The following EIF3I variants were observed in gnomAD, a reference collection of about 807,000 sequenced individuals.
EIF3I encodes eukaryotic translation initiation factor 3 subunit I.
Under a neutral mutation model 43.3 loss-of-function variants are expected in EIF3I, and 20 were observed. The observed-to-expected ratio is 0.46, with a 90% CI of 0.32 to 0.67. The LOEUF is 0.67. Ranked by LOEUF, EIF3I falls within the 30% of genes least tolerant of loss-of-function variation. EIF3I has a pLI of 0.03. For missense variants in EIF3I, 279 were observed against 421.4 expected, an observed-to-expected ratio of 0.66 and a Z score of 2.96; for synonymous variants, 167 against 151.7, an observed-to-expected ratio of 1.10 and a Z score of -0.74.
rs1263218415 is a variant in EIF3I, at chr1:32,224,591, G to A, written c.250+116G>A. On this transcript the variant is annotated intron_variant, in intron 4 of 11. Coordinates refer to ENST00000676679, the Ensembl canonical transcript of EIF3I. ...ATCCATAGATAGTTTCCAGTCTAGG[G>A]AATAAGAGACAAGAAAGATAGATGA... 1.6e-5 allele frequency: 11 copies of A among 689,076 alleles called. No homozygotes were observed. The East Asian group carries it at 3.0e-4, about 19-fold the overall frequency. 42.7% of individuals were successfully genotyped at this position (689,076 alleles called of 1,614,324 possible). A position where few individuals can be genotyped will look rare whatever the true frequency, so the allele number is the denominator to read the frequency against.
exon 4 of EIF3I, chr1:32,224,452 G>T: frequency 6.2e-7 from 1 of 1,613,718 alleles, no homozygotes; most frequent in Non-Finnish European, 8.5e-7. Flanking sequence ...GACAACAGCT[G>T]TCGTCTCTGG....
At chr1:32,229,715 T>G (rs1205932608) in intron 9 of EIF3I, among the ~76,000 whole-genome samples, 1 of 151,980 alleles carries the variant, frequency 6.6e-6, no homozygotes, top group Non-Finnish European at 1.5e-5. Context: ...CACGCCTGGC[T>G]AATTTTTGTA....
chr1:32,233,112 G>A (rs1639261122), downstream of EIF3I, among the ~76,000 whole-genome samples: 1 of 152,152 alleles, frequency 6.6e-6, no homozygotes, highest in South Asian at 2.1e-4. Flanking sequence ...TCATGCCTTA[G>A]CTTCCCAAGT....
exon 1 of EIF3I, chr1:32,222,417 C>A (rs775357695): frequency 3.1e-6 from 5 of 1,590,696 alleles, no homozygotes; most frequent in East Asian, 2.2e-5. Context: ...ACTCACGTTG[C>A]GGCCTTCCTC....
At chr1:32,223,999 G>A in intron 2 of EIF3I, 35 bp from the exon 3 acceptor site, 1 of 1,603,012 alleles carries the variant, frequency 6.2e-7, no homozygotes, top group Non-Finnish European at 8.5e-7. Context: ...TGCTCTTACT[G>A]GGATGTGTAC....
At chr1:32,231,684 T>C (rs1207949753), downstream of EIF3I, 1 of 169,678 alleles carries the variant, frequency 5.9e-6, no homozygotes, top group Non-Finnish European at 1.3e-5. Flanking sequence ...ACTTTTATTA[T>C]TGAGACCTCC....
chr1:32,228,353 T>A (rs376746673), intron 6 of EIF3I, 146 bp from the exon 7 acceptor site: 26 of 645,590 alleles, frequency 4.0e-5, no homozygotes, highest in African/African-American at 3.2e-4. Flanking sequence ...AGTCAAGGGA[T>A]ATTTAGGGGT....
downstream of EIF3I, chr1:32,231,693 C>T (rs762449753): frequency 9.1e-5 from 15 of 164,034 alleles, no homozygotes; most frequent in Admixed American, 2.4e-4. Context: ...ATTGAGACCT[C>T]CCTATACTTT....
At chr1:32,222,737 G>C (rs1321583494) in intron 2 of EIF3I, 107 bp downstream of exon 2, 2 of 1,144,788 alleles carry the variant, frequency 1.7e-6, no homozygotes, top group African/African-American at 3.0e-5. Context: ...GCAGCCCATT[G>C]TGAGAAGTAG....
At chr1:32,235,353 ACGGAATCT>A (rs1639286976), downstream of EIF3I, 1 of 147,442 alleles carries the variant, frequency 6.8e-6, no homozygotes, top group Non-Finnish European at 1.5e-5. Flanking sequence ...TTTTTTTGAG[ACGGAATCT>A]TGCTCTGTCT....
At chr1:32,228,461 A>C in intron 6 of EIF3I, 38 bp from the exon 7 acceptor site, 2 of 1,553,036 alleles carry the variant, frequency 1.3e-6, no homozygotes, top group Non-Finnish European at 1.8e-6. Context: ...ATTAGTAGGG[A>C]TTGGGCCCAT....
downstream of EIF3I, among the ~76,000 whole-genome samples, chr1:32,232,991 CTTATTTAT>C (rs529414159): frequency 1.4e-4 from 22 of 152,122 alleles, no homozygotes; most frequent in African/African-American, 4.1e-4. Flanking sequence ...CTTTTATTTA[CTTATTTAT>C]TTATTTATTT....
rs928829756 is a variant in EIF3I, at chr1:32,224,122, G to A, written c.184+1G>A. The A allele has an allele frequency of 3.7e-6, 6 of 1,613,978 alleles. No individual in the cohort carries two copies. The highest frequency in any genetic ancestry group is 1.3e-5 in the African/African-American group (1 of 74,898). The stretch of plus-strand genomic sequence containing the variant: ...GCTGTGTGGTGTGTGGACGCTGACT[G>A]TATCCTTATTTTGGGTCTGAGTCCG... On this transcript the variant is annotated splice_donor_variant, in intron 3 of 11. Transcript: ENST00000676679. LOFTEE classifies it high-confidence loss of function.
At chr1:32,228,445 G>C (rs2124265754) in intron 6 of EIF3I, 54 bp from the exon 7 acceptor site, 1 of 1,485,952 alleles carries the variant, frequency 6.7e-7, no homozygotes, top group East Asian at 2.3e-5. Context: ...TTTCTGGGGA[G>C]CTGAGATTAG....
chr1:32,234,950 A>C (rs565093922), downstream of EIF3I: 1 of 152,794 alleles, frequency 6.5e-6, no homozygotes, highest in South Asian at 2.1e-4. Context: ...ATGGGGCCTT[A>C]CCTCTCCATG....
In EIF3I at chr1:32,228,953, G is replaced by C. The variant is rs576771535; in HGVS notation, c.729+137G>C. ...AGGAGATGCCCAGAGGAGTGACAAA[G>C]CTGGAAGGATTGAATAGCCCCAGGG... On this transcript the variant is annotated intron_variant, in intron 8 of 11. Transcript: ENST00000676679. The C allele has an allele frequency of 5.0e-5, 53 of 1,062,738 alleles. No individual in the cohort carries two copies. The Admixed American group carries it at 1.1e-3, about 22-fold the overall frequency. 65.8% of individuals were successfully genotyped at this position (1,062,738 alleles called of 1,614,324 possible).
chr1:32,222,415 T>TG (rs1342371066), exon 1 of EIF3I: 2 of 1,590,974 alleles, frequency 1.3e-6, no homozygotes, highest in Non-Finnish European at 1.7e-6. Flanking sequence ...TTACTCACGT[T>TG]GCGGCCTTCC....
At chr1:32,222,874 G>A (rs1639048496) in intron 2 of EIF3I, among the ~76,000 whole-genome samples, 4 of 152,110 alleles carry the variant, frequency 2.6e-5, no homozygotes. Context: ...AGGTGGGAGG[G>A]TCGCTTGAGC....
Position 32,229,128 on chromosome 1 carries a change from C to T in EIF3I, c.730-7C>T. 2.5e-6 allele frequency: 4 copies of T among 1,609,794 alleles called. No homozygotes were observed. The highest frequency in any genetic ancestry group is 8.5e-7 in the Non-Finnish European group (1 of 1,178,934). On this transcript the variant is annotated splice_polypyrimidine_tract_variant and splice_region_variant and intron_variant, in intron 8 of 11. Transcript: ENST00000676679. ...TGGTCCCATCTAGAGTTTCTTCTTC[C>T]ATTCAGGTGGTCCTGGGCGGTGGTC...
Sources: allele counts gnomAD v4.1 joint callset (sites outside exome capture counted in the v4.1 genomes callset), GRCh38; gene constraint gnomAD v4.1.1; transcripts MANE v1.5; gene names NCBI Gene and HGNC (gene_info 2026-07-23, HGNC 2026-07-21).